Variants in MACROD2 observed in about 807,000 individuals in gnomAD.
MACROD2 encodes the protein mono-ADP ribosylhydrolase 2, also known as ADP-ribose glycohydrolase MACROD2.
In MACROD2, 36 loss-of-function variants were observed where a neutral mutation model predicts 70.4. The observed-to-expected ratio is 0.51, with a 90% CI of 0.39 to 0.68. The LOEUF (loss-of-function observed/expected upper bound fraction) is 0.68. Among genes scored for constraint, MACROD2 ranks in the 30% least tolerant of loss-of-function variants. The pLI, the probability that MACROD2 is intolerant of heterozygous loss-of-function variation, is 0.00. For synonymous variants in MACROD2, 172 were observed against 178.8 expected (o/e 0.96, Z 0.30); for missense variants, 496 against 538.4 (o/e 0.92, Z 0.78).
chr20:14,477,627 A>G (rs946261312), intron 3 of MACROD2, among the ~76,000 whole-genome samples: 2 of 152,150 alleles, frequency 1.3e-5, no homozygotes, highest in Non-Finnish European at 2.9e-5. Flanking sequence ...TGTTTCATTT[A>G]AAAAGTATTC....
chr20:15,677,681 A>G (rs2050081416), intron 8 of MACROD2, among the ~76,000 whole-genome samples: 1 of 18,376 alleles, frequency 5.4e-5, no homozygotes, highest in Non-Finnish European at 1.3e-4. Flanking sequence ...CCAACCAACC[A>G]ACCAACCAAC....
At chr20:15,230,810 C>T (rs929249707) in intron 6 of MACROD2, among the ~76,000 whole-genome samples, 1 of 152,034 alleles carries the variant, frequency 6.6e-6, no homozygotes, top group Non-Finnish European at 1.5e-5. Flanking sequence ...ATCTCAATTA[C>T]ACCAAGAAAA....
At chr20:14,847,463 T>C (rs1483038054) in intron 5 of MACROD2, among the ~76,000 whole-genome samples, 1 of 150,168 alleles carries the variant, frequency 6.7e-6, no homozygotes, top group Non-Finnish European at 1.5e-5. Flanking sequence ...CCATTTTTAT[T>C]CACTTTGAGG....
intron 8 of MACROD2, among the ~76,000 whole-genome samples, chr20:15,629,336 CAG>C (rs2146747628): frequency 1.3e-5 from 2 of 152,310 alleles, no homozygotes; most frequent in South Asian, 4.1e-4. Context: ...GACCCCAAAT[CAG>C]AGTGAGGGCG....
chr20:15,165,027 CA>C (rs1568611508), intron 5 of MACROD2, among the ~76,000 whole-genome samples: 1 of 152,054 alleles, frequency 6.6e-6, no homozygotes, highest in African/African-American at 2.4e-5. Context: ...CACAATTCAA[CA>C]AAAAAGTTGT....
At chr20:15,825,551 TAC>T in intron 8 of MACROD2, among the ~76,000 whole-genome samples, 1 of 151,554 alleles carries the variant, frequency 6.6e-6, no homozygotes, top group Non-Finnish European at 1.5e-5. Flanking sequence ...CAGGTTGGAG[TAC>T]AGTGGCCCAA....
intron 3 of MACROD2, among the ~76,000 whole-genome samples, chr20:14,272,748 C>T (rs568198179): frequency 7.9e-5 from 12 of 152,152 alleles, no homozygotes; most frequent in African/African-American, 2.9e-4. Flanking sequence ...TTCAGGAAAC[C>T]CATCTCACAT....
At chr20:14,460,302 C>G (rs2084353423) in intron 3 of MACROD2, among the ~76,000 whole-genome samples, 1 of 152,152 alleles carries the variant, frequency 6.6e-6, no homozygotes, top group African/African-American at 2.4e-5. Context: ...AATCGCCACA[C>G]TGTCTTCCAC....
intron 13 of MACROD2, among the ~76,000 whole-genome samples, chr20:15,979,895 C>T (rs186065898): frequency 6.6e-5 from 10 of 152,274 alleles, no homozygotes; most frequent in African/African-American, 2.2e-4. Flanking sequence ...GCAGACAAAA[C>T]TTCTCAGACA....
chr20:14,679,319 A>C (rs1277505084), intron 4 of MACROD2, among the ~76,000 whole-genome samples: 2 of 152,204 alleles, frequency 1.3e-5, no homozygotes, highest in Non-Finnish European at 2.9e-5. Context: ...AAGGAGAGGG[A>C]ATAGAAAGCC....
chr20:14,657,846 C>T (rs1245481631), intron 4 of MACROD2, among the ~76,000 whole-genome samples: 2 of 152,060 alleles, frequency 1.3e-5, no homozygotes, highest in Non-Finnish European at 2.9e-5. Context: ...AGCCATTGGC[C>T]TGTAAGAACT....
intron 5 of MACROD2, among the ~76,000 whole-genome samples, chr20:15,105,532 A>C (rs573837556): frequency 2.0e-5 from 3 of 152,142 alleles, no homozygotes; most frequent in Non-Finnish European, 4.4e-5. Flanking sequence ...CTGATACCAA[A>C]ATAAATGAGA....
chr20:15,546,039 T>G (rs1188911609), intron 8 of MACROD2, among the ~76,000 whole-genome samples: 4 of 152,152 alleles, frequency 2.6e-5, no homozygotes, highest in African/African-American at 9.7e-5. Flanking sequence ...TCACCTGAGG[T>G]CAGGAGTTCA....
chr20:15,084,690 T>G (rs78978561), intron 5 of MACROD2, among the ~76,000 whole-genome samples: 3 of 152,334 alleles, frequency 2.0e-5, no homozygotes, highest in African/African-American at 4.8e-5. Context: ...TAATTTTAGA[T>G]GTGGAAAAAA....
At chr20:14,345,322 G>C (rs547586727) in intron 3 of MACROD2, among the ~76,000 whole-genome samples, 89 of 152,240 alleles carry the variant, frequency 5.8e-4, no homozygotes, top group African/African-American at 1.9e-3. Context: ...ATATCTGAGA[G>C]AAGTTAGAGA....
intron 11 of MACROD2, among the ~76,000 whole-genome samples, chr20:15,933,987 G>T (rs2065619236): frequency 6.6e-6 from 1 of 151,982 alleles, no homozygotes; most frequent in South Asian, 2.1e-4. Flanking sequence ...GGCTCAAAAG[G>T]GATTGAAGTC....
At chr20:15,276,899 T>C (rs1158106881) in intron 6 of MACROD2, among the ~76,000 whole-genome samples, 1 of 152,220 alleles carries the variant, frequency 6.6e-6, no homozygotes, top group Non-Finnish European at 1.5e-5. Context: ...ATTGGCGTAA[T>C]TTATCTTGGC....
chr20:15,870,027 A>C (rs2064557668), intron 9 of MACROD2, among the ~76,000 whole-genome samples: 1 of 152,090 alleles, frequency 6.6e-6, no homozygotes, highest in Non-Finnish European at 1.5e-5. Flanking sequence ...TAATATCTTA[A>C]ATGCATGCCA....
At chr20:14,605,927 G>A (rs369264033) in intron 4 of MACROD2, among the ~76,000 whole-genome samples, 3 of 152,124 alleles carry the variant, frequency 2.0e-5, no homozygotes, top group African/African-American at 2.4e-5. Context: ...GTAATTATAC[G>A]TGTAAAATTT....
Sources: gnomAD v4.1 joint callset for allele counts (sites outside exome capture counted in the v4.1 genomes callset) on GRCh38, gnomAD v4.1.1 for gene constraint, MANE v1.5 for transcripts, NCBI Gene and HGNC (gene_info 2026-07-23, HGNC 2026-07-21) for gene names.